NDUFAF2: variants seen among roughly 807,000 people sequenced by gnomAD.
The protein encoded by NDUFAF2 is NADH:ubiquinone oxidoreductase complex assembly factor 2.
NDUFAF2 carries 13 observed loss-of-function variants against 22.8 expected under a neutral mutation model. The ratio of observed to expected loss-of-function variants is 0.57; its 90% confidence interval spans 0.37 to 0.91. The LOEUF is 0.91. NDUFAF2 is among the 40% of genes least tolerant of loss of function. The pLI, the probability that NDUFAF2 is intolerant of heterozygous loss-of-function variation, is 0.01. For synonymous variants in NDUFAF2, 53 were observed against 64.2 expected (o/e 0.83, Z 0.84); for missense variants, 162 against 195.2 (o/e 0.83, Z 1.01).
intron 1 of NDUFAF2, among the ~76,000 whole-genome samples, chr5:60,956,376 C>T (rs1750616280): frequency 6.6e-6 from 1 of 152,102 alleles, no homozygotes; most frequent in South Asian, 2.1e-4. Flanking sequence ...CTTGCTAGAA[C>T]TTCTGTTTTT....
chr5:61,119,313 C>G (rs1472128013), intron 3 of NDUFAF2, among the ~76,000 whole-genome samples: 1 of 152,142 alleles, frequency 6.6e-6, no homozygotes, highest in African/African-American at 2.4e-5. Context: ...ATGTAGACTT[C>G]TTTTGTACAT....
intron 1 of NDUFAF2, among the ~76,000 whole-genome samples, chr5:61,041,993 T>C (rs1178401888): frequency 6.6e-6 from 1 of 152,182 alleles, no homozygotes; most frequent in Non-Finnish European, 1.5e-5. Context: ...GGTAACATTT[T>C]TCATAATAAA....
intron 2 of NDUFAF2, among the ~76,000 whole-genome samples, chr5:61,087,891 A>G (rs567377263): frequency 6.6e-6 from 1 of 152,252 alleles, no homozygotes; most frequent in Non-Finnish European, 1.5e-5. Context: ...CATTACCACA[A>G]TAATAATAGC....
At chr5:61,060,083 TG>T (rs1752145231) in intron 1 of NDUFAF2, among the ~76,000 whole-genome samples, 1 of 152,200 alleles carries the variant, frequency 6.6e-6, no homozygotes, top group South Asian at 2.1e-4. Flanking sequence ...TGTGAACATT[TG>T]GATAAGTTAA....
chr5:61,129,754 C>T (rs1753085467), intron 3 of NDUFAF2, among the ~76,000 whole-genome samples: 2 of 152,098 alleles, frequency 1.3e-5, no homozygotes, highest in South Asian at 4.2e-4. Context: ...AACAAACCTG[C>T]ACGTTGTACA....
At chr5:61,125,138 A>G (rs1018703221) in intron 3 of NDUFAF2, among the ~76,000 whole-genome samples, 3 of 152,170 alleles carry the variant, frequency 2.0e-5, no homozygotes, top group East Asian at 3.9e-4. Context: ...TTGCATGGGT[A>G]CACAGTGCCA....
chr5:61,067,609 A>G (rs1393640685), intron 1 of NDUFAF2, among the ~76,000 whole-genome samples: 3 of 152,092 alleles, frequency 2.0e-5, no homozygotes, highest in African/African-American at 7.2e-5. Flanking sequence ...GAGTAGTGCC[A>G]CAATAAACAT....
chr5:61,045,197 TAAA>T (rs1262283344), intron 1 of NDUFAF2, among the ~76,000 whole-genome samples: 52 of 105,140 alleles, frequency 4.9e-4, no homozygotes, highest in Middle Eastern at 5.5e-3. Flanking sequence ...AAAGTTTTAT[TAAA>T]TTTTAATAAA....
chr5:61,096,887 C>T (rs569785814), intron 2 of NDUFAF2, among the ~76,000 whole-genome samples: 2 of 152,176 alleles, frequency 1.3e-5, no homozygotes, highest in Non-Finnish European at 2.9e-5. Flanking sequence ...TCACTTGAAT[C>T]CGGGAGACAG....
intron 1 of NDUFAF2, among the ~76,000 whole-genome samples, chr5:60,995,445 T>C (rs527909888): frequency 6.6e-6 from 1 of 152,364 alleles, no homozygotes; most frequent in Non-Finnish European, 1.5e-5. Context: ...GGTACTGCCT[T>C]GATGGTCTTG....
chr5:61,058,595 C>T (rs116047805), intron 1 of NDUFAF2, among the ~76,000 whole-genome samples: 3 of 151,970 alleles, frequency 2.0e-5, no homozygotes, highest in South Asian at 2.1e-4. Context: ...TTTTCATCCC[C>T]GCCTTTTTTC....
intron 3 of NDUFAF2, among the ~76,000 whole-genome samples, chr5:61,106,461 A>G (rs1752763936): frequency 6.6e-6 from 1 of 151,368 alleles, no homozygotes; most frequent in African/African-American, 2.5e-5. Flanking sequence ...AGATATTTTG[A>G]TACGTGCATA....
intron 1 of NDUFAF2, among the ~76,000 whole-genome samples, chr5:61,002,205 A>G (rs1425131487): frequency 6.6e-6 from 1 of 152,122 alleles, no homozygotes; most frequent in African/African-American, 2.4e-5. Flanking sequence ...TAAATCATCA[A>G]ACAGGTCTCC....
intron 1 of NDUFAF2, among the ~76,000 whole-genome samples, chr5:61,039,343 A>C (rs1396693362): frequency 6.6e-6 from 1 of 152,296 alleles, no homozygotes; most frequent in African/African-American, 2.4e-5. Flanking sequence ...GAAGAATAGA[A>C]CATCTATCAG....
chr5:61,076,097 AGT>A (rs1752365868), intron 2 of NDUFAF2, among the ~76,000 whole-genome samples: 1 of 152,028 alleles, frequency 6.6e-6, no homozygotes, highest in Non-Finnish European at 1.5e-5. Flanking sequence ...TTTAAGATGG[AGT>A]CTCGCTCTTT....
intron 3 of NDUFAF2, among the ~76,000 whole-genome samples, chr5:61,105,218 T>C (rs1348356808): frequency 6.6e-6 from 1 of 151,380 alleles, no homozygotes; most frequent in Non-Finnish European, 1.5e-5. Flanking sequence ...TCTTATAGTT[T>C]AACATTCAGA....
At chr5:60,974,074 A>G (rs1750869614) in intron 1 of NDUFAF2, among the ~76,000 whole-genome samples, 1 of 152,212 alleles carries the variant, frequency 6.6e-6, no homozygotes. Context: ...TGAGGACATA[A>G]GCCAAAGGAG....
chr5:61,009,055 C>T (rs997587481), intron 1 of NDUFAF2, among the ~76,000 whole-genome samples: 2 of 151,894 alleles, frequency 1.3e-5, no homozygotes, highest in Non-Finnish European at 2.9e-5. Context: ...TCTACTAATC[C>T]GTATCTATTA....
chr5:60,953,031 T>C (rs1451931942), intron 1 of NDUFAF2, among the ~76,000 whole-genome samples: 1 of 152,100 alleles, frequency 6.6e-6, no homozygotes, highest in Admixed American at 6.5e-5. Context: ...GGGGTAAAGG[T>C]CATTTTGCAG....
Sources: gnomAD v4.1 joint callset for allele counts (sites outside exome capture counted in the v4.1 genomes callset) on GRCh38, gnomAD v4.1.1 for gene constraint, MANE v1.5 for transcripts, NCBI Gene and HGNC (gene_info 2026-07-23, HGNC 2026-07-21) for gene names.